Variants in CADPS observed in about 807,000 individuals in gnomAD.
The protein encoded by CADPS is calcium dependent secretion activator.
In CADPS, 57 loss-of-function variants were observed where a neutral mutation model predicts 167.3. The ratio of observed to expected loss-of-function variants is 0.34; its 90% confidence interval spans 0.28 to 0.42. The LOEUF is 0.42. Ranked by LOEUF, CADPS falls within the 20% of genes least tolerant of loss-of-function variation. CADPS has a pLI of 1.00. For missense variants in CADPS, 1,414 were observed against 1,738.1 expected (o/e 0.81, Z 3.32); for synonymous variants, 676 against 635.3 (o/e 1.06, Z -0.96).
intron 1 of CADPS, among the ~76,000 whole-genome samples, chr3:62,784,993 C>T (rs924418358): frequency 6.6e-6 from 1 of 152,042 alleles, no homozygotes; most frequent in Non-Finnish European, 1.5e-5. Flanking sequence ...GTTTGAAAAA[C>T]AGATCTTTAT....
At chr3:62,832,693 T>C (rs981622169) in intron 1 of CADPS, among the ~76,000 whole-genome samples, 1 of 152,238 alleles carries the variant, frequency 6.6e-6, no homozygotes, top group African/African-American at 2.4e-5. Flanking sequence ...CAGCTTCTGA[T>C]GTGAAAACAC....
chr3:62,836,798 ACTTTC>A (rs2075963769), intron 1 of CADPS, among the ~76,000 whole-genome samples: 2 of 152,246 alleles, frequency 1.3e-5, no homozygotes, highest in East Asian at 3.9e-4. Flanking sequence ...CAATCCTGGA[ACTTTC>A]CTTTCGCCCA....
At chr3:62,559,721 C>T (rs6788917) in intron 9 of CADPS, among the ~76,000 whole-genome samples, 10,639 of 151,874 alleles carry the variant, frequency 0.07, 505 homozygotes, top group African/African-American at 0.14. Flanking sequence ...CTTGAACTCC[C>T]GACTTCAGGT....
chr3:62,579,680 G>A (rs1392566840), intron 8 of CADPS, among the ~76,000 whole-genome samples: 1 of 152,154 alleles, frequency 6.6e-6, no homozygotes, highest in East Asian at 1.9e-4. Context: ...AGGCCAGTGT[G>A]GCTGGAACAG....
chr3:62,507,484 T>C (rs1489783178), intron 17 of CADPS, among the ~76,000 whole-genome samples: 2 of 152,054 alleles, frequency 1.3e-5, no homozygotes, highest in African/African-American at 2.4e-5. Flanking sequence ...TCCCCTGGTG[T>C]CTGGCATAGC....
At chr3:62,530,363 C>A (rs747459339) in intron 13 of CADPS, among the ~76,000 whole-genome samples, 4 of 152,098 alleles carry the variant, frequency 2.6e-5, no homozygotes, top group Admixed American at 6.5e-5. Flanking sequence ...TAACTAGATG[C>A]CACTAAAAAA....
chr3:62,466,164 A>G (rs1463655905), intron 25 of CADPS, among the ~76,000 whole-genome samples, 175 bp downstream of exon 25: 3 of 152,146 alleles, frequency 2.0e-5, no homozygotes, highest in African/African-American at 4.8e-5. Context: ...TTATCTTCAC[A>G]CGGCTCGAGA....
intron 3 of CADPS, among the ~76,000 whole-genome samples, chr3:62,739,270 T>C (rs1450010567): frequency 2.0e-5 from 3 of 152,298 alleles, no homozygotes; most frequent in East Asian, 1.9e-4. Flanking sequence ...GATCAATCCA[T>C]AGTCATCTGG....
intron 6 of CADPS, chr3:62,626,679 G>C: frequency 1.6e-6 from 1 of 623,338 alleles, no homozygotes; most frequent in Non-Finnish European, 2.9e-6. Flanking sequence ...CCTTCTGCAG[G>C]GAACAGAATC....
At chr3:62,614,747 C>G (rs965037946) in intron 6 of CADPS, among the ~76,000 whole-genome samples, 1 of 152,150 alleles carries the variant, frequency 6.6e-6, no homozygotes, top group Non-Finnish European at 1.5e-5. Flanking sequence ...AGCTGGAACT[C>G]TGGAATCAGA....
intron 6 of CADPS, among the ~76,000 whole-genome samples, chr3:62,630,132 A>G (rs1334769130): frequency 3.3e-5 from 5 of 152,134 alleles, no homozygotes; most frequent in Non-Finnish European, 5.9e-5. Flanking sequence ...TAATTGGTGT[A>G]TCCCTTGTGT....
intron 26 of CADPS, among the ~76,000 whole-genome samples, chr3:62,447,567 A>T (rs2057404010): frequency 6.6e-6 from 1 of 152,142 alleles, no homozygotes; most frequent in African/African-American, 2.4e-5. Flanking sequence ...AACTCAGGGA[A>T]AATTTATAGA....
chr3:62,813,987 T>C (rs568854803), intron 1 of CADPS, among the ~76,000 whole-genome samples: 1 of 152,288 alleles, frequency 6.6e-6, no homozygotes, highest in African/African-American at 2.4e-5. Flanking sequence ...ACAGTGGCCA[T>C]ATATCTCTCT....
In CADPS at chr3:62,769,502, A is replaced by G. The variant is rs534021286; in HGVS notation, c.442-3518T>C. ...CTGCCTCGGCCTCCCAAAGTGCTGGAATTACAGGCGTGAACCACTGTGGCC... is the reference window on the plus strand; with the variant it reads ...CTGCCTCGGCCTCCCAAAGTGCTGGGATTACAGGCGTGAACCACTGTGGCC... On this transcript the variant is annotated intron_variant, in intron 1 of 29. Transcript: ENST00000383710. 3.3e-5 allele frequency among the ~76,000 whole-genome samples: 5 copies of G among 152,170 alleles called. 1 individual carries two copies. The highest frequency in any genetic ancestry group is 4.1e-4 in the South Asian group (2 of 4,820).
At chr3:62,823,513 AT>A (rs1237325597) in intron 1 of CADPS, among the ~76,000 whole-genome samples, 1 of 152,200 alleles carries the variant, frequency 6.6e-6, no homozygotes, top group African/African-American at 2.4e-5. Flanking sequence ...TTTTAAAAAA[AT>A]ATAAGAAAAG....
At chr3:62,565,536 CAG>C (rs1325496630) in intron 9 of CADPS, among the ~76,000 whole-genome samples, 9 of 152,140 alleles carry the variant, frequency 5.9e-5, no homozygotes, top group Admixed American at 2.6e-4. Flanking sequence ...CTTACTGTAT[CAG>C]AGTCTTCTGG....
intron 17 of CADPS, among the ~76,000 whole-genome samples, chr3:62,502,639 A>T (rs968023016): frequency 1.3e-5 from 2 of 152,164 alleles, no homozygotes; most frequent in African/African-American, 4.8e-5. Context: ...CCCGAGTCTC[A>T]GCTTAGTGTT....
chr3:62,533,202 T>C (rs2074066543), intron 12 of CADPS, 144 bp from the exon 13 acceptor site: 12 of 651,418 alleles, frequency 1.8e-5, no homozygotes, highest in Non-Finnish European at 1.6e-5. Context: ...CCAGCCACTG[T>C]GCACAGCATA....
intron 3 of CADPS, among the ~76,000 whole-genome samples, chr3:62,718,472 T>C (rs980406398): frequency 6.6e-6 from 1 of 152,196 alleles, no homozygotes; most frequent in African/African-American, 2.4e-5. Flanking sequence ...TCTGTACAGG[T>C]CCAAAGGGCA....
Sources: allele counts gnomAD v4.1 joint callset (sites outside exome capture counted in the v4.1 genomes callset), GRCh38; gene constraint gnomAD v4.1.1; transcripts MANE v1.5; gene names NCBI Gene and HGNC (gene_info 2026-07-23, HGNC 2026-07-21).